The following CPQ variants were observed in gnomAD, a reference collection of about 807,000 sequenced individuals.
CPQ encodes the protein Ser-Met dipeptidase.
In CPQ, 37 loss-of-function variants were observed where a neutral mutation model predicts 45.7. The observed-to-expected ratio is 0.81, with a 90% CI of 0.62 to 1.07. The LOEUF (loss-of-function observed/expected upper bound fraction) is 1.07. Ranked by LOEUF, CPQ falls within the 50% of genes least tolerant of loss-of-function variation. The pLI is 0.00. For synonymous variants in CPQ, 186 were observed against 205.8 expected (o/e 0.90, Z 0.82); for missense variants, 537 against 572.9 (o/e 0.94, Z 0.64).
chr8:96,982,785 C>T (rs1813927929), intron 5 of CPQ, among the ~76,000 whole-genome samples: 1 of 152,124 alleles, frequency 6.6e-6, no homozygotes, highest in South Asian at 2.1e-4. Flanking sequence ...CTCATTGAGT[C>T]CAGGAGGTAG....
Position 96,835,058 on chromosome 8 carries a change from T to C in CPQ, c.519T>C (p.Tyr173=). The C allele has an allele frequency of 6.2e-7, 1 of 1,613,670 alleles. No individual in the cohort carries two copies. The highest frequency in any genetic ancestry group is 8.5e-7 in the Non-Finnish European group (1 of 1,179,762). ...AAGCAAGAGGGAAGATTGTTGTTTA[T>C]AACCAACCTTACATCAACTACTCAA... ...ASEARGKIVV[Y]NQPYINYSRT... Residue 173 remains tyrosine (Y), a synonymous_variant, in exon 3 of 8, where the codon TAT becomes TAC. Transcript: ENST00000220763.
At chr8:97,059,628 T>C (rs555046458) in intron 6 of CPQ, among the ~76,000 whole-genome samples, 17 of 152,260 alleles carry the variant, frequency 1.1e-4, no homozygotes, top group Non-Finnish European at 2.2e-4. Context: ...CATCCAATCA[T>C]GTTAGTTGTT....
intron 7 of CPQ, among the ~76,000 whole-genome samples, chr8:97,139,423 A>G (rs1251679704): frequency 6.6e-6 from 1 of 152,156 alleles, no homozygotes; most frequent in Non-Finnish European, 1.5e-5. Context: ...GATCTAATGG[A>G]CTTACACAGA....
intron 6 of CPQ, among the ~76,000 whole-genome samples, chr8:97,039,114 T>C (rs1270994913): frequency 6.6e-6 from 1 of 152,214 alleles, no homozygotes; most frequent in African/African-American, 2.4e-5. Flanking sequence ...GAACACACCA[T>C]CACCAGATCA....
chr8:97,112,768 T>G (rs1811519368), intron 7 of CPQ, among the ~76,000 whole-genome samples: 1 of 152,020 alleles, frequency 6.6e-6, no homozygotes, highest in Non-Finnish European at 1.5e-5. Context: ...ATGGCTTCCA[T>G]GAGGGGAGGG....
intron 7 of CPQ, among the ~76,000 whole-genome samples, chr8:97,071,349 G>A (rs1810739497): frequency 6.6e-6 from 1 of 152,148 alleles, no homozygotes; most frequent in African/African-American, 2.4e-5. Flanking sequence ...GACTAGTAAT[G>A]AGACCTGGTT....
intron 5 of CPQ, among the ~76,000 whole-genome samples, chr8:96,988,110 A>G (rs1266685580): frequency 5.3e-5 from 8 of 152,304 alleles, no homozygotes; most frequent in Non-Finnish European, 1.0e-4. Context: ...ACTGTTCACT[A>G]GTTCAGTTGT....
chr8:96,724,402 G>T (rs1809807321), intron 1 of CPQ, among the ~76,000 whole-genome samples: 1 of 151,782 alleles, frequency 6.6e-6, no homozygotes, highest in Non-Finnish European at 1.5e-5. Context: ...TTTAGAGGTG[G>T]GGCCTTTAGG....
chr8:96,773,004 A>G (rs1392012899), intron 1 of CPQ, among the ~76,000 whole-genome samples: 1 of 152,200 alleles, frequency 6.6e-6, no homozygotes, highest in African/African-American at 2.4e-5. Flanking sequence ...GATTTCAAGT[A>G]AATTGTTCAA....
intron 4 of CPQ, among the ~76,000 whole-genome samples, chr8:96,926,579 T>TTCCTCTTCCTCTTCCTCTTCC (rs1287436748): frequency 7.7e-5 from 8 of 104,166 alleles, no homozygotes; most frequent in East Asian, 6.9e-4. Context: ...CCTCTTCCTC[T>TTCCTCTTCCTCTTCCTCTTCC]TCTTCTTCTT....
intron 1 of CPQ, among the ~76,000 whole-genome samples, chr8:96,682,052 G>A (rs566553284): frequency 1.2e-3 from 176 of 152,322 alleles, no homozygotes; most frequent in Non-Finnish European, 1.5e-3. Flanking sequence ...TCACTAAGAT[G>A]AAACTTTGGA....
intron 4 of CPQ, among the ~76,000 whole-genome samples, chr8:96,890,170 A>G (rs189474202): frequency 4.5e-4 from 68 of 152,360 alleles, no homozygotes; most frequent in Non-Finnish European, 9.0e-4. Flanking sequence ...CAATACTTAA[A>G]TACTGATATG....
intron 6 of CPQ, among the ~76,000 whole-genome samples, chr8:97,035,493 G>C (rs1321468781): frequency 6.6e-6 from 1 of 152,158 alleles, no homozygotes; most frequent in Admixed American, 6.5e-5. Context: ...ACATGTGGGA[G>C]TCCTAGTTGC....
intron 4 of CPQ, among the ~76,000 whole-genome samples, chr8:96,910,215 T>C (rs1367040753): frequency 6.6e-6 from 1 of 152,190 alleles, no homozygotes; most frequent in African/African-American, 2.4e-5. Context: ...TGAAGAGATA[T>C]TGGTCCAGAG....
intron 6 of CPQ, among the ~76,000 whole-genome samples, chr8:97,032,338 A>T (rs1250202444): frequency 6.6e-6 from 1 of 152,190 alleles, no homozygotes; most frequent in Non-Finnish European, 1.5e-5. Context: ...GAGTATTGAC[A>T]TCCAGCTGGC....
At chr8:96,724,872 T>C (rs1809816507) in intron 1 of CPQ, among the ~76,000 whole-genome samples, 1 of 152,068 alleles carries the variant, frequency 6.6e-6, no homozygotes, top group Admixed American at 6.6e-5. Context: ...AAGGTAGTGG[T>C]ACAAAAACAG....
chr8:96,706,831 A>G lies in CPQ; in HGVS notation c.-35+61429A>G, dbSNP rs199881917. 1.9e-3 allele frequency among the ~76,000 whole-genome samples: 284 copies of G among 152,278 alleles called. 5 individuals are homozygous for G. The highest frequency in any genetic ancestry group is 0.013 in the Admixed American group (191 of 15,276). ...CATTTTTTTGCAAATTTTAAGTTTC[A>G]GTAATGATCTTGCTATTCAAATTTT... is the stretch of plus-strand genomic sequence containing the variant. On this transcript the variant is annotated intron_variant, in intron 1 of 7. Coordinates refer to ENST00000220763, the MANE Select transcript of CPQ (RefSeq NM_016134.4).
At chr8:96,765,443 C>A (rs1335314856) in intron 1 of CPQ, among the ~76,000 whole-genome samples, 3 of 151,920 alleles carry the variant, frequency 2.0e-5, no homozygotes, top group Non-Finnish European at 4.4e-5. Context: ...GTCTGTGGGA[C>A]TCTAAGGGTA....
At chr8:96,985,851 A>G (rs577853249) in intron 5 of CPQ, among the ~76,000 whole-genome samples, 134 of 152,356 alleles carry the variant, frequency 8.8e-4, no homozygotes, top group Middle Eastern at 3.4e-3. Context: ...ACTGTATCAA[A>G]TTGGTATTCT....
Sources: allele counts gnomAD v4.1 joint callset (sites outside exome capture counted in the v4.1 genomes callset), GRCh38; gene constraint gnomAD v4.1.1; transcripts MANE v1.5; gene names NCBI Gene and HGNC (gene_info 2026-07-23, HGNC 2026-07-21).